Variants in ANK2 observed in about 807,000 individuals in gnomAD.
The protein encoded by ANK2 is ankyrin 2, also known as ankyrin-2.
In ANK2, 83 loss-of-function variants were observed where a neutral mutation model predicts 360.5. That is an observed-to-expected ratio of 0.23 (90% CI 0.19 to 0.28). ANK2 has a LOEUF of 0.28. Ranked by LOEUF, ANK2 falls within the 10% of genes least tolerant of loss-of-function variation. ANK2 has a pLI of 1.00. For missense variants in ANK2, 4,201 were observed against 4,795.7 expected (o/e 0.88, Z 3.66); for synonymous variants, 1,740 against 1,759.5 (o/e 0.99, Z 0.28).
In ANK2 at chr4:113,311,243, G is replaced by A. The variant is rs1253948706; in HGVS notation, c.2549-12G>A. On this transcript the variant is annotated splice_polypyrimidine_tract_variant and intron_variant, in intron 23 of 45. Coordinates refer to ENST00000357077, the MANE Select transcript of ANK2 (RefSeq NM_001148.6). ...AAGAAATAATCCTGCTTCTTCCTCT[G>A]ATTGTTTCAAGGTGATGACACAATG... 1 of 1,614,064 alleles carries A rather than the reference G, an allele frequency of 6.2e-7. No homozygotes were observed. The highest frequency in any genetic ancestry group is 1.7e-5 in the Admixed American group (1 of 60,016).
intron 9 of ANK2, among the ~76,000 whole-genome samples, chr4:113,248,542 T>C (rs2044282453): frequency 6.6e-6 from 1 of 151,994 alleles, no homozygotes; most frequent in African/African-American, 2.4e-5. Flanking sequence ...CCCCCTACAG[T>C]GGCCAGTCTG....
intron 19 of ANK2, among the ~76,000 whole-genome samples, 173 bp downstream of exon 19, chr4:113,287,876 G>C (rs959037560): frequency 1.7e-4 from 26 of 151,962 alleles, no homozygotes; most frequent in South Asian, 8.3e-4. Context: ...CCCATTTTTT[G>C]CTAGAATCAA....
chr4:113,278,832 A>C (rs1303935246), intron 17 of ANK2, among the ~76,000 whole-genome samples: 1 of 152,202 alleles, frequency 6.6e-6, no homozygotes, highest in Non-Finnish European at 1.5e-5. Context: ...TGTGTTAGAG[A>C]ATGAAGTCTG....
intron 1 of ANK2, among the ~76,000 whole-genome samples, chr4:113,112,279 G>C (rs1430170392): frequency 6.6e-6 from 1 of 151,994 alleles, no homozygotes; most frequent in Non-Finnish European, 1.5e-5. Flanking sequence ...TTCTAGTGAG[G>C]GGATTTTTTC....
intron 1 of ANK2, among the ~76,000 whole-genome samples, chr4:112,852,350 A>C (rs1038661038): frequency 2.0e-5 from 3 of 152,194 alleles, no homozygotes; most frequent in Non-Finnish European, 4.4e-5. Context: ...CACCTCTGAG[A>C]TTGTACTTAA....
the ANK2 span, among the ~76,000 whole-genome samples, chr4:112,778,453 T>C: frequency 6.6e-6 from 1 of 152,198 alleles, no homozygotes; most frequent in Non-Finnish European, 1.5e-5. Flanking sequence ...ATTACAGGCA[T>C]GAACCACCGC....
chr4:113,233,374 A>T (rs1027642152), intron 5 of ANK2, among the ~76,000 whole-genome samples: 3 of 151,128 alleles, frequency 2.0e-5, no homozygotes, highest in Admixed American at 6.6e-5. Context: ...TGACCTCGTG[A>T]TCCGCCCGCC....
At chr4:113,323,807 A>G (rs2087936965) in intron 26 of ANK2, 16 of 1,608,746 alleles carry the variant, frequency 9.9e-6, no homozygotes, top group African/African-American at 1.3e-5. Flanking sequence ...GAACTACTGC[A>G]TAATTCTTTC....
At chr4:113,327,595 C>T (rs909214408) in intron 26 of ANK2, among the ~76,000 whole-genome samples, 6 of 152,192 alleles carry the variant, frequency 3.9e-5, no homozygotes, top group African/African-American at 1.4e-4. Context: ...CCACACTGTG[C>T]CAGGCTCTAG....
intron 2 of ANK2, among the ~76,000 whole-genome samples, chr4:112,919,228 TA>T (rs1020180919): frequency 5.8e-4 from 89 of 152,164 alleles, no homozygotes; most frequent in African/African-American, 2.1e-3. Context: ...TTGTAGCAGT[TA>T]TATGGAGCAG....
chr4:112,712,397 T>TAA, the ANK2 span, among the ~76,000 whole-genome samples: 1 of 41,964 alleles, frequency 2.4e-5, no homozygotes, highest in African/African-American at 5.9e-5. Flanking sequence ...CATATATATA[T>TAA]ATATATATAT....
At chr4:113,180,616 C>CTAAA (rs1396207100) in intron 2 of ANK2, among the ~76,000 whole-genome samples, 6 of 152,100 alleles carry the variant, frequency 3.9e-5, no homozygotes, top group Non-Finnish European at 8.8e-5. Context: ...TTATCTGGAA[C>CTAAA]TAAAATCTTT....
chr4:113,283,915 A>G (rs796295219), intron 18 of ANK2, among the ~76,000 whole-genome samples: 39 of 152,326 alleles, frequency 2.6e-4, no homozygotes, highest in African/African-American at 8.9e-4. Flanking sequence ...ACATTTGTAA[A>G]TAGGTTATGT....
chr4:112,969,925 G>A (rs11940222), intron 2 of ANK2, among the ~76,000 whole-genome samples: 49,310 of 151,990 alleles, frequency 0.32, 8,459 homozygotes, highest in East Asian at 0.45. Context: ...TTTTGATGCA[G>A]GCCCCTGTCA....
In ANK2 at chr4:113,328,955, G is replaced by C. The variant is rs544403676; in HGVS notation, c.2901-1291G>C. On this transcript the variant is annotated intron_variant, in intron 26 of 45. Coordinates refer to ENST00000357077, the MANE Select transcript of ANK2 (RefSeq NM_001148.6). ...ACCTTTCAAATGTTTTAAATGTCGTGGAGGCAATATCTAGGTGGGACAAAT... is the reference window on the plus strand; with the variant it reads ...ACCTTTCAAATGTTTTAAATGTCGTCGAGGCAATATCTAGGTGGGACAAAT... 2.6e-5 allele frequency among the ~76,000 whole-genome samples: 4 copies of C among 152,250 alleles called. 1 individual carries two copies. The South Asian group carries it at 8.3e-4, about 32-fold the overall frequency.
intron 2 of ANK2, among the ~76,000 whole-genome samples, chr4:112,996,523 C>G (rs1033083062): frequency 2.0e-5 from 3 of 151,786 alleles, no homozygotes; most frequent in African/African-American, 7.3e-5. Context: ...TTTATTGTAC[C>G]ATTCACTTTT....
chr4:113,222,991 T>A (rs2099168551), intron 4 of ANK2, among the ~76,000 whole-genome samples: 1 of 152,126 alleles, frequency 6.6e-6, no homozygotes, highest in Non-Finnish European at 1.5e-5. Flanking sequence ...CCTTAAATGC[T>A]CCCCCAGAGT....
At chr4:113,339,096 T>G in intron 31 of ANK2, 130 bp from the exon 32 acceptor site, 1 of 741,068 alleles carries the variant, frequency 1.3e-6, no homozygotes, top group Non-Finnish European at 2.4e-6. Context: ...TAGATTTTAG[T>G]CATTTTGTTT....
intron 5 of ANK2, among the ~76,000 whole-genome samples, 175 bp downstream of exon 5, chr4:113,232,434 C>T (rs2099319642): frequency 1.3e-5 from 2 of 152,166 alleles, no homozygotes; most frequent in Admixed American, 1.3e-4. Context: ...CACAGAGTTC[C>T]ATCAGTTTAT....
Sources: allele counts gnomAD v4.1 joint callset (sites outside exome capture counted in the v4.1 genomes callset), GRCh38; gene constraint gnomAD v4.1.1; transcripts MANE v1.5; gene names NCBI Gene and HGNC (gene_info 2026-07-23, HGNC 2026-07-21).